The following BLTP1 variants were observed in gnomAD, a reference collection of about 807,000 sequenced individuals.
The protein encoded by BLTP1 is fragile site-associated protein.
At chr4:122,310,978 CTTTTTAAAA>C in the BLTP1 span, 1 of 744,922 alleles carries the variant, frequency 1.3e-6, no homozygotes, top group African/African-American at 1.9e-5. Flanking sequence ...TTATACATGG[CTTTTTAAAA>C]ATCACTAAAA....
the BLTP1 span, chr4:122,194,430 T>C: frequency 2.2e-6 from 1 of 463,678 alleles, no homozygotes; most frequent in African/African-American, 2.1e-5. Flanking sequence ...TTTCACATTA[T>C]TGGATTTAAA....
At chr4:122,315,415 T>C in the BLTP1 span, 2 of 1,607,438 alleles carry the variant, frequency 1.2e-6, no homozygotes, top group Admixed American at 1.7e-5. Flanking sequence ...TTATTTCAAT[T>C]TCTATACCCA....
the BLTP1 span, chr4:122,230,095 A>G: frequency 1.2e-6 from 2 of 1,614,150 alleles, no homozygotes; most frequent in South Asian, 1.1e-5. Flanking sequence ...ATTGGCTTGA[A>G]GCTGGGTCAG....
chr4:122,186,807 T>C, the BLTP1 span, among the ~76,000 whole-genome samples: 1 of 152,192 alleles, frequency 6.6e-6, no homozygotes, highest in East Asian at 1.9e-4. Flanking sequence ...TAGAGTTTTA[T>C]TGGGACATAG....
At chr4:122,337,144 T>C in the BLTP1 span, 2 of 826,614 alleles carry the variant, frequency 2.4e-6, no homozygotes, top group South Asian at 1.6e-5. Flanking sequence ...ACCTTTAGTA[T>C]GTTTGTGATG....
At chr4:122,175,091 A>T in the BLTP1 span, 4 of 963,476 alleles carry the variant, frequency 4.2e-6, no homozygotes, top group Non-Finnish European at 4.9e-6. Flanking sequence ...TATGAATATA[A>T]TAAGGATATG....
the BLTP1 span, chr4:122,189,053 T>A: frequency 1.0e-6 from 1 of 984,718 alleles, no homozygotes; most frequent in African/African-American, 1.7e-5. Context: ...CAAATGTGTA[T>A]GAGTGAAGGT....
the BLTP1 span, chr4:122,299,624 T>C: frequency 5.8e-6 from 1 of 171,118 alleles, no homozygotes; most frequent in African/African-American, 2.4e-5. Flanking sequence ...ATGAAAAGCA[T>C]AATGTAAGAC....
At chr4:122,197,186 C>A in the BLTP1 span, 46 of 1,081,430 alleles carry the variant, frequency 4.3e-5, no homozygotes, top group Non-Finnish European at 5.6e-5. Flanking sequence ...TAATTTTTTT[C>A]TTTTGGTAGG....
chr4:122,315,146 T>A, the BLTP1 span, among the ~76,000 whole-genome samples: 1 of 152,194 alleles, frequency 6.6e-6, no homozygotes, highest in East Asian at 1.9e-4. Flanking sequence ...GACCTTCACC[T>A]GGACCAATTA....
the BLTP1 span, chr4:122,198,109 G>C: frequency 1.0e-6 from 1 of 985,256 alleles, no homozygotes; most frequent in Admixed American, 6.1e-5. Flanking sequence ...GCAGGCAGAG[G>C]GTTGACTACG....
At chr4:122,354,659 TTTTTC>T in the BLTP1 span, among the ~76,000 whole-genome samples, 28 of 151,494 alleles carry the variant, frequency 1.8e-4, no homozygotes, top group African/African-American at 6.8e-4. Context: ...AAAATGACCT[TTTTTC>T]TTTTCTTTTT....
At chr4:122,348,655 T>C in the BLTP1 span, 1 of 1,612,598 alleles carries the variant, frequency 6.2e-7, no homozygotes, top group Non-Finnish European at 8.5e-7. Context: ...TTGTCGTGTT[T>C]GCTATCAACT....
the BLTP1 span, chr4:122,211,216 A>G: frequency 1.2e-6 from 1 of 863,978 alleles, no homozygotes; most frequent in African/African-American, 1.7e-5. Flanking sequence ...AGGATATACC[A>G]GATATGTTGA....
chr4:122,321,395 T>C, the BLTP1 span, among the ~76,000 whole-genome samples: 4 of 152,128 alleles, frequency 2.6e-5, no homozygotes, highest in Non-Finnish European at 5.9e-5. Flanking sequence ...TATATAAGCA[T>C]ATACATAAAT....
chr4:122,345,923 T>C, the BLTP1 span: 2 of 612,964 alleles, frequency 3.3e-6, no homozygotes, highest in African/African-American at 4.0e-5. Context: ...CCTCAAACTT[T>C]TAGCTTAGAT....
chr4:122,252,809 G>A, the BLTP1 span, among the ~76,000 whole-genome samples: 1 of 152,132 alleles, frequency 6.6e-6, no homozygotes, highest in Admixed American at 6.5e-5. Context: ...AGCAAACGTA[G>A]GCAGAAGCCA....
At chr4:122,266,653 C>A in the BLTP1 span, 2 of 742,632 alleles carry the variant, frequency 2.7e-6, no homozygotes, top group Non-Finnish European at 4.0e-6. Context: ...ACCATTTTTG[C>A]TTCACACTAT....
chr4:122,240,167 G>A, the BLTP1 span: 10 of 1,613,944 alleles, frequency 6.2e-6, no homozygotes, highest in East Asian at 4.5e-5. Context: ...AGATTACTCC[G>A]CAACAACCCG....
Sources: gnomAD v4.1 joint callset for allele counts (sites outside exome capture counted in the v4.1 genomes callset) on GRCh38, gnomAD v4.1.1 for gene constraint, MANE v1.5 for transcripts, NCBI Gene and HGNC (gene_info 2026-07-23, HGNC 2026-07-21) for gene names.